The following OSBPL8 variants were observed in gnomAD, a reference collection of about 807,000 sequenced individuals.
OSBPL8 encodes the protein oxysterol binding protein like 8.
Under a neutral mutation model 125.5 loss-of-function variants are expected in OSBPL8, and 59 were observed. That is an observed-to-expected ratio of 0.47 (90% CI 0.38 to 0.58). OSBPL8 has a LOEUF of 0.58. Among genes scored for constraint, OSBPL8 ranks in the 20% least tolerant of loss-of-function variants. OSBPL8 has a pLI of 0.00. For missense variants in OSBPL8, 758 were observed against 1,047.8 expected (o/e 0.72, Z 3.82); for synonymous variants, 330 against 338.9 (o/e 0.97, Z 0.29).
chr12:76,358,175 C>CTTTTTT (rs60714321), intron 22 of OSBPL8, among the ~76,000 whole-genome samples: 6 of 100,186 alleles, frequency 6.0e-5, no homozygotes, highest in South Asian at 3.7e-4. Flanking sequence ...GAGTGTGGTT[C>CTTTTTT]TTTTTTTTTT....
chr12:76,504,675 T>C (rs1292891389), intron 1 of OSBPL8, among the ~76,000 whole-genome samples: 1 of 152,248 alleles, frequency 6.6e-6, no homozygotes, highest in Non-Finnish European at 1.5e-5. Flanking sequence ...GGGAGAAATT[T>C]ATAGTTTAAA....
intron 10 of OSBPL8, among the ~76,000 whole-genome samples, chr12:76,391,644 T>C (rs576132749): frequency 6.6e-6 from 1 of 152,304 alleles, no homozygotes; most frequent in East Asian, 1.9e-4. Context: ...AGGCCTGTAG[T>C]TCTCACTACT....
chr12:76,377,554 A>G (rs534951087), intron 16 of OSBPL8, among the ~76,000 whole-genome samples: 1 of 152,294 alleles, frequency 6.6e-6, no homozygotes, highest in East Asian at 1.9e-4. Flanking sequence ...CATGTTGGTC[A>G]CATAAATGTC....
chr12:76,379,524 G>C (rs1393683326), intron 15 of OSBPL8, among the ~76,000 whole-genome samples: 1 of 152,136 alleles, frequency 6.6e-6, no homozygotes, highest in Non-Finnish European at 1.5e-5. Flanking sequence ...TTGCCCCTGA[G>C]CAGTCAATCC....
At chr12:76,556,471 G>GATAA (rs1472338847) in intron 1 of OSBPL8, among the ~76,000 whole-genome samples, 1 of 151,750 alleles carries the variant, frequency 6.6e-6, no homozygotes, top group Non-Finnish European at 1.5e-5. Flanking sequence ...TGGGAAGAAA[G>GATAA]ATCTAAAATC....
rs781038727 is a variant in OSBPL8, at chr12:76,402,766, A to G, written c.289T>C (p.Ser97Pro). Residue 97 changes from serine to proline, a missense_variant and splice_region_variant, in exon 6 of 24, where the codon TCT (serine) becomes CCT (proline). Ser to Pro is a moderately conservative substitution (Grantham distance 74). This residue lies in a region of OSBPL8 where 117 missense variants were observed against 137.1 expected (regional missense o/e 0.85). Coordinates refer to ENST00000261183, the MANE Select transcript of OSBPL8 (RefSeq NM_020841.5). ...ESSLSMSKSK[S>P]ESKLYNGSEK... ...GAGCCATTATAAAGTTTAGATTCAG[A>G]CTGAAATCATACAGAAACAAGAGAA... The G allele has an allele frequency of 1.3e-6, 2 of 1,580,736 alleles. No homozygotes were observed. The highest frequency in any genetic ancestry group is 8.7e-7 in the Non-Finnish European group (1 of 1,153,258).
At chr12:76,412,450 A>C (rs2136430536) in intron 4 of OSBPL8, among the ~76,000 whole-genome samples, 1 of 152,240 alleles carries the variant, frequency 6.6e-6, no homozygotes, top group East Asian at 1.9e-4. Flanking sequence ...ATTTTAAAAC[A>C]CACCCTTTCC....
intron 2 of OSBPL8, among the ~76,000 whole-genome samples, chr12:76,466,835 C>T (rs1350287565): frequency 2.0e-5 from 3 of 151,958 alleles, no homozygotes; most frequent in Admixed American, 1.3e-4. Context: ...TGGCAGGTGC[C>T]TGTAATCCCA....
chr12:76,552,369 T>C (rs1950967493), intron 1 of OSBPL8, among the ~76,000 whole-genome samples: 1 of 132,402 alleles, frequency 7.6e-6, no homozygotes, highest in Non-Finnish European at 1.5e-5. Context: ...AAGGTTGCAG[T>C]GAGCCAAGAT....
intron 4 of OSBPL8, among the ~76,000 whole-genome samples, chr12:76,432,524 T>C (rs1870962551): frequency 6.6e-6 from 1 of 152,100 alleles, no homozygotes; most frequent in Non-Finnish European, 1.5e-5. Context: ...AAAGAAGCAG[T>C]GAGACATGAT....
chr12:76,522,986 T>C (rs1441888140), intron 1 of OSBPL8, among the ~76,000 whole-genome samples: 1 of 152,118 alleles, frequency 6.6e-6, no homozygotes, highest in African/African-American at 2.4e-5. Flanking sequence ...TACAGGCGCA[T>C]ACCACCACGC....
chr12:76,518,060 C>T (rs1378829568), intron 1 of OSBPL8, among the ~76,000 whole-genome samples: 1 of 152,190 alleles, frequency 6.6e-6, no homozygotes, highest in East Asian at 1.9e-4. Context: ...TCCCAATAGT[C>T]TCCCAAAGTC....
chr12:76,492,938 T>G (rs530265258), intron 1 of OSBPL8, among the ~76,000 whole-genome samples: 1 of 135,604 alleles, frequency 7.4e-6, no homozygotes, highest in Non-Finnish European at 1.5e-5. Flanking sequence ...ATATAGATAT[T>G]TTTTTTTTGC....
chr12:76,547,672 G>C (rs1225868313), intron 1 of OSBPL8, among the ~76,000 whole-genome samples: 1 of 152,098 alleles, frequency 6.6e-6, no homozygotes, highest in African/African-American at 2.4e-5. Context: ...CACCCATCTA[G>C]ATACACTTGA....
At chr12:76,535,183 G>A (rs1029874178) in intron 1 of OSBPL8, among the ~76,000 whole-genome samples, 1 of 151,814 alleles carries the variant, frequency 6.6e-6, no homozygotes, top group Non-Finnish European at 1.5e-5. Flanking sequence ...AAAAAGGCAA[G>A]ACATAAACTG....
intron 15 of OSBPL8, among the ~76,000 whole-genome samples, chr12:76,383,283 A>G (rs1416304304): frequency 2.6e-5 from 4 of 152,132 alleles, no homozygotes; most frequent in Admixed American, 2.0e-4. Flanking sequence ...GTCAGGGTAG[A>G]AGAATGGAGG....
At chr12:76,530,720 A>G (rs1950314351) in intron 1 of OSBPL8, among the ~76,000 whole-genome samples, 5 of 152,184 alleles carry the variant, frequency 3.3e-5, no homozygotes, top group African/African-American at 7.2e-5. Flanking sequence ...CTATCACAGT[A>G]GGTGCTCCTT....
At chr12:76,500,947 T>C (rs1385768892) in intron 1 of OSBPL8, among the ~76,000 whole-genome samples, 3 of 152,244 alleles carry the variant, frequency 2.0e-5, no homozygotes, top group African/African-American at 7.2e-5. Context: ...CAGTTACTAC[T>C]GTGTACTTAA....
chr12:76,412,310 G>T (rs1013090008), intron 4 of OSBPL8, among the ~76,000 whole-genome samples: 4 of 152,112 alleles, frequency 2.6e-5, no homozygotes, highest in Non-Finnish European at 5.9e-5. Context: ...TTACCTTTTG[G>T]AGGAAATACT....
Sources: allele counts gnomAD v4.1 joint callset (sites outside exome capture counted in the v4.1 genomes callset), GRCh38; gene constraint gnomAD v4.1.1; regional missense constraint gnomAD v4.1.1; transcripts MANE v1.5; gene names NCBI Gene and HGNC (gene_info 2026-07-23, HGNC 2026-07-21).